EIF5B: variants seen among roughly 807,000 people sequenced by gnomAD.
The protein encoded by EIF5B is eIF-5B.
In EIF5B, 47 loss-of-function variants were observed where a neutral mutation model predicts 147.5. That is an observed-to-expected ratio of 0.32 (90% CI 0.25 to 0.41). The LOEUF (loss-of-function observed/expected upper bound fraction) is 0.41. EIF5B is among the 10% of genes least tolerant of loss of function. The pLI, the probability that EIF5B is intolerant of heterozygous loss-of-function variation, is 1.00. For synonymous variants in EIF5B, 455 were observed against 456.2 expected, an observed-to-expected ratio of 1.00 and a Z score of 0.03; for missense variants, 1,064 against 1,413.2, an observed-to-expected ratio of 0.75 and a Z score of 3.96.
intron 4 of EIF5B, among the ~76,000 whole-genome samples, chr2:99,363,178 A>G (rs1240584984): frequency 6.6e-6 from 1 of 152,116 alleles, no homozygotes; most frequent in Non-Finnish European, 1.5e-5. Context: ...ATATTTTTGT[A>G]TTTTATCCTA....
rs1244482212 is a variant in EIF5B, at chr2:99,376,414, G to A, written c.1620G>A (p.Glu540=). 3 of 1,565,096 alleles carry A rather than the reference G, an allele frequency of 1.9e-6. No homozygotes were observed. Among genetic ancestry groups the A allele is most frequent in the Non-Finnish European group, 2.6e-6 (3 of 1,140,096 alleles). The change falls in exon 10 of 24, where the codon GAG becomes GAA. Residue 540 remains glutamate (E), a synonymous_variant. Transcript: ENST00000289371. ...AAGAGGAGGAGGAGGAGGAAGAAGA[G>A]GAAGAAGAAGATGAAGAAAGTGAAG... ...NPEEEEEEEE[E]EEEDEESEEE...
chr2:99,369,352 A>C (rs772485802), intron 7 of EIF5B, 40 bp from the exon 8 acceptor site: 11 of 1,523,884 alleles, frequency 7.2e-6, no homozygotes, highest in Non-Finnish European at 9.9e-6. Context: ...GAAATTATAC[A>C]CCAAAAAAAA....
intron 1 of EIF5B, among the ~76,000 whole-genome samples, chr2:99,356,525 CTAAT>C (rs1674099266): frequency 6.6e-6 from 1 of 152,156 alleles, no homozygotes; most frequent in Non-Finnish European, 1.5e-5. Flanking sequence ...ATTTGTTCTT[CTAAT>C]TAATTAACAT....
chr2:99,371,342 G>T (rs1018066528), intron 8 of EIF5B, among the ~76,000 whole-genome samples: 2 of 151,958 alleles, frequency 1.3e-5, no homozygotes, highest in African/African-American at 2.4e-5. Flanking sequence ...CAAAAAATTA[G>T]CTGGCCACGG....
rs765305365 is a variant in EIF5B at position 99,369,460 on chromosome 2, A to G, written c.1456A>G (p.Thr486Ala). 4 of 1,610,132 alleles carry G rather than the reference A, an allele frequency of 2.5e-6. 1 individual carries two copies. The highest frequency in any genetic ancestry group is 3.3e-4 in the Middle Eastern group (2 of 6,028). ...ACAAGGAGTACCAGAAAAGGAAGAG[A>G]CACCACCTCCTGTTGAACCAGGCGG... ...MEQGVPEKEE[T>A]PPPVEPEEEE... Residue 486 changes from threonine (T) to alanine (A), a missense_variant, in exon 8 of 24, where the codon ACA (threonine) becomes GCA (alanine). Physicochemically the swap from Thr to Ala is moderately conservative, Grantham distance 58. Around this residue, in one of 4 missense-constraint regions of EIF5B, gnomAD observed 195 missense variants for 186.3 expected, o/e 1.05. Transcript: ENST00000289371.
At chr2:99,374,087 G>T (rs1465616790) in intron 9 of EIF5B, among the ~76,000 whole-genome samples, 2 of 152,094 alleles carry the variant, frequency 1.3e-5, no homozygotes, top group African/African-American at 4.8e-5. Flanking sequence ...TCAGGAGATT[G>T]AGATTAGCCT....
intron 6 of EIF5B, among the ~76,000 whole-genome samples, chr2:99,368,127 TG>T (rs1334207866): frequency 1.3e-5 from 2 of 152,248 alleles, no homozygotes; most frequent in African/African-American, 4.8e-5. Flanking sequence ...ATTCCATTTA[TG>T]TGACATTTTA....
intron 1 of EIF5B, among the ~76,000 whole-genome samples, chr2:99,353,549 A>G (rs1674030110): frequency 6.6e-6 from 1 of 152,190 alleles, no homozygotes; most frequent in South Asian, 2.1e-4. Flanking sequence ...GTGTGTGTTT[A>G]TATATTTAGT....
chr2:99,394,493 A>G lies in EIF5B; in HGVS notation c.3013-16A>G. The G allele has an allele frequency of 6.2e-7, 1 of 1,613,934 alleles. No individual in the cohort carries two copies. Among genetic ancestry groups the G allele is most frequent in the Non-Finnish European group, 8.5e-7 (1 of 1,179,976 alleles). On this transcript the variant is annotated splice_polypyrimidine_tract_variant and intron_variant, in intron 19 of 23. Transcript: ENST00000289371. Reference sequence around the variant, plus strand: ...CTGATACATACAGATAAACATGGAAACTCCCATTTTTTCAGTATGCAGGAA... The same window carrying G: ...CTGATACATACAGATAAACATGGAAGCTCCCATTTTTTCAGTATGCAGGAA...
intron 1 of EIF5B, chr2:99,338,230 G>A: frequency 8.0e-6 from 8 of 1,003,784 alleles, no homozygotes; most frequent in Non-Finnish European, 9.6e-6. Context: ...AAGGGAAGAA[G>A]AAGAAACCAA....
chr2:99,395,995 T>C (rs1019083342), intron 21 of EIF5B, among the ~76,000 whole-genome samples: 3 of 152,196 alleles, frequency 2.0e-5, no homozygotes, highest in Non-Finnish European at 2.9e-5. Context: ...TGGGTTGTTA[T>C]GTGGACCTTG....
intron 12 of EIF5B, among the ~76,000 whole-genome samples, chr2:99,379,883 T>C (rs1284824933): frequency 2.0e-5 from 3 of 152,220 alleles, no homozygotes; most frequent in African/African-American, 7.2e-5. Flanking sequence ...ATCAGTATAA[T>C]ACACACCACC....
At chr2:99,366,629 AG>A (rs1674334626) in intron 6 of EIF5B, among the ~76,000 whole-genome samples, 1 of 152,198 alleles carries the variant, frequency 6.6e-6, no homozygotes, top group African/African-American at 2.4e-5. Context: ...CTTTATTCTA[AG>A]GCTTCTGCCC....
chr2:99,360,629 TG>T (rs1674189621), intron 3 of EIF5B, 80 bp downstream of exon 3: 2 of 1,394,822 alleles, frequency 1.4e-6, no homozygotes, highest in Non-Finnish European at 2.0e-6. Flanking sequence ...GAGCTACATT[TG>T]GAAACTTTTG....
chr2:99,369,986 CA>C (rs959149817), intron 8 of EIF5B, among the ~76,000 whole-genome samples: 18 of 149,018 alleles, frequency 1.2e-4, no homozygotes, highest in South Asian at 4.2e-4. Flanking sequence ...CAGTCCATCT[CA>C]AAAAAAAAGG....
At chr2:99,374,659 C>G (rs911749328) in intron 9 of EIF5B, among the ~76,000 whole-genome samples, 26 of 152,150 alleles carry the variant, frequency 1.7e-4, no homozygotes, top group African/African-American at 6.0e-4. Context: ...TTCATTGTTC[C>G]TGTTGAGAAG....
chr2:99,371,569 G>T, intron 8 of EIF5B, 87 bp from the exon 9 acceptor site: 17 of 963,340 alleles, frequency 1.8e-5, no homozygotes, highest in East Asian at 8.6e-5. Context: ...CTTTTTTTAT[G>T]TCAGAGCATA....
At chr2:99,390,903 C>T (rs1674914954) in intron 17 of EIF5B, among the ~76,000 whole-genome samples, 198 bp downstream of exon 17, 1 of 152,198 alleles carries the variant, frequency 6.6e-6, no homozygotes, top group Non-Finnish European at 1.5e-5. Context: ...ACCTGCTTAC[C>T]AGACTGGGCC....
chr2:99,351,220 G>T (rs999860791), intron 1 of EIF5B, among the ~76,000 whole-genome samples: 1 of 152,178 alleles, frequency 6.6e-6, no homozygotes. Flanking sequence ...CTTTTTGGCT[G>T]ACTGGGTTTC....
Sources: gnomAD v4.1 joint callset for allele counts (sites outside exome capture counted in the v4.1 genomes callset) on GRCh38, gnomAD v4.1.1 for gene constraint, gnomAD v4.1.1 regional missense constraint, MANE v1.5 for transcripts, NCBI Gene and HGNC (gene_info 2026-07-23, HGNC 2026-07-21) for gene names.